Variants in PTPN2 observed in about 807,000 individuals in gnomAD.
PTPN2 encodes protein tyrosine phosphatase non-receptor type 2.
Under a neutral mutation model 57.3 loss-of-function variants are expected in PTPN2, and 19 were observed. The ratio of observed to expected loss-of-function variants is 0.33; its 90% CI spans 0.23 to 0.49. The LOEUF (loss-of-function observed/expected upper bound fraction) is 0.49, where lower values mean the gene tolerates loss of function less well. Ranked by LOEUF, PTPN2 falls within the 20% of genes least tolerant of loss-of-function variation. The probability of loss-of-function intolerance (pLI) is 0.99; values close to 1 mark genes in which losing one functional copy is unlikely to be tolerated. For synonymous variants in PTPN2, 153 were observed against 164.9 expected (o/e 0.93, Z 0.55); for missense variants, 358 against 501.1 (o/e 0.71, Z 2.73).
chr18:12,818,319 A>G (rs562239211), intron 5 of PTPN2, among the ~76,000 whole-genome samples: 28 of 152,220 alleles, frequency 1.8e-4, no homozygotes, highest in Non-Finnish European at 3.5e-4. Context: ...AACGATCTTT[A>G]TATTTTTAAT....
intron 1 of PTPN2, among the ~76,000 whole-genome samples, chr18:12,869,839 T>G (rs917141715): frequency 2.6e-5 from 4 of 152,208 alleles, no homozygotes; most frequent in Non-Finnish European, 4.4e-5. Flanking sequence ...ATGAAAAGTG[T>G]TCCCTTTGTT....
chr18:12,825,745 A>G, intron 5 of PTPN2, 65 bp downstream of exon 5: 5 of 1,450,562 alleles, frequency 3.4e-6, no homozygotes, highest in South Asian at 1.4e-5. Context: ...TTCAAATCTA[A>G]TAATAAAGAA....
chr18:12,820,610 C>T (rs1221412066), intron 5 of PTPN2, among the ~76,000 whole-genome samples: 2 of 152,170 alleles, frequency 1.3e-5, no homozygotes, highest in Non-Finnish European at 2.9e-5. Flanking sequence ...TGTGGAAGCA[C>T]CCTTTTCTTC....
intron 1 of PTPN2, among the ~76,000 whole-genome samples, chr18:12,864,557 G>A (rs544144371): frequency 3.9e-5 from 6 of 151,970 alleles, no homozygotes; most frequent in Admixed American, 6.6e-5. Context: ...CACCACGCCC[G>A]GCTAATTTTT....
chr18:12,829,374 G>A (rs1294462713), intron 4 of PTPN2, among the ~76,000 whole-genome samples: 1 of 151,878 alleles, frequency 6.6e-6, no homozygotes, highest in Non-Finnish European at 1.5e-5. Context: ...GCATGGTGGT[G>A]GGTGCTTGTA....
intron 5 of PTPN2, 108 bp from the exon 6 acceptor site, chr18:12,817,473 T>C: frequency 1.3e-6 from 1 of 783,242 alleles, no homozygotes; most frequent in Middle Eastern, 2.4e-4. Context: ...ATATAGGCTG[T>C]TTATACTATG....
chr18:12,867,853 C>CTCCACCTGCTCTTG (rs1209705285), intron 1 of PTPN2, among the ~76,000 whole-genome samples: 2 of 152,184 alleles, frequency 1.3e-5, no homozygotes, highest in African/African-American at 2.4e-5. Context: ...AGTTTCTTTT[C>CTCCACCTGCTCTTG]TTTTCTCCAC....
intron 7 of PTPN2, among the ~76,000 whole-genome samples, chr18:12,809,079 A>C (rs2041800652): frequency 6.6e-6 from 1 of 152,188 alleles, no homozygotes; most frequent in African/African-American, 2.4e-5. Context: ...GTACGCTAGC[A>C]GCTCCAGGCA....
chr18:12,873,604 G>C (rs2044353380), intron 1 of PTPN2, among the ~76,000 whole-genome samples: 1 of 152,212 alleles, frequency 6.6e-6, no homozygotes, highest in Non-Finnish European at 1.5e-5. Flanking sequence ...ATGGTGCCCA[G>C]GCTGGAGTGC....
At chr18:12,835,227 G>A (rs1042898309) in intron 3 of PTPN2, among the ~76,000 whole-genome samples, 1 of 151,938 alleles carries the variant, frequency 6.6e-6, no homozygotes, top group Non-Finnish European at 1.5e-5. Flanking sequence ...CAATATTACA[G>A]AAAGGAATAA....
intron 8 of PTPN2, among the ~76,000 whole-genome samples, chr18:12,795,481 G>T (rs2041141691): frequency 6.6e-6 from 1 of 152,094 alleles, no homozygotes; most frequent in African/African-American, 2.4e-5. Context: ...TTTTTAGTGA[G>T]ATGATGTTTC....
chr18:12,808,056 G>A (rs554652032), intron 7 of PTPN2, among the ~76,000 whole-genome samples: 3 of 151,926 alleles, frequency 2.0e-5, no homozygotes, highest in East Asian at 3.9e-4. Flanking sequence ...GGTGGCACGC[G>A]CCTGCAGTCC....
Position 12,814,363 on chromosome 18 carries a change from A to G in PTPN2, c.706-8T>C. ...ATCATCTCCTTTTTCCATCTGCAAG[A>G]AAGGCAAAAAATGAGACAAGTCTTG... On this transcript the variant is annotated splice_region_variant and splice_polypyrimidine_tract_variant and intron_variant, in intron 6 of 8. Coordinates refer to ENST00000309660, the MANE Select transcript of PTPN2 (RefSeq NM_002828.4). The G allele has an allele frequency of 6.3e-7, 1 of 1,575,748 alleles. No homozygotes were observed. Among genetic ancestry groups the G allele is most frequent in the Non-Finnish European group, 8.6e-7 (1 of 1,164,486 alleles).
chr18:12,852,980 C>G (rs2043448848), intron 2 of PTPN2, among the ~76,000 whole-genome samples: 1 of 152,222 alleles, frequency 6.6e-6, no homozygotes, highest in South Asian at 2.1e-4. Context: ...CTCTTCTCAG[C>G]TCCATCAATG....
In PTPN2 at chr18:12,806,592, C is replaced by A. The variant is rs1029098103; in HGVS notation, c.859-4441G>T. Among the ~76,000 whole-genome samples, 4 of 152,024 alleles carry A rather than the reference C, an allele frequency of 2.6e-5. No homozygotes were observed. In the South Asian group the frequency reaches 8.3e-4, roughly 32 times the overall value. On this transcript the variant is annotated intron_variant, in intron 7 of 8. Transcript: ENST00000309660. Reference sequence around the variant, plus strand: ...AAATAGCATGCTACTATCATAAGAACAGGTATAAAGACCAATAAAACAGAA... The same window carrying A: ...AAATAGCATGCTACTATCATAAGAAAAGGTATAAAGACCAATAAAACAGAA...
Position 12,831,059 on chromosome 18 carries a change from A to G in PTPN2, c.262-18T>C, listed in dbSNP as rs765599935. ...AGTGGACCCTGTGAAGAGAGAGGAGAGAGAGCAGATGAGGGAAGCAGACAG... is the reference window on the plus strand; with the variant it reads ...AGTGGACCCTGTGAAGAGAGAGGAGGGAGAGCAGATGAGGGAAGCAGACAG... On this transcript the variant is annotated intron_variant, in intron 3 of 8. Coordinates refer to ENST00000309660, the MANE Select transcript of PTPN2 (RefSeq NM_002828.4). The G allele has an allele frequency of 6.5e-7, 1 of 1,543,910 alleles. No homozygotes were observed. The highest frequency in any genetic ancestry group is 1.1e-5 in the South Asian group (1 of 89,296).
intron 1 of PTPN2, among the ~76,000 whole-genome samples, chr18:12,865,728 G>C (rs1443211974): frequency 6.6e-6 from 1 of 151,968 alleles, no homozygotes; most frequent in Non-Finnish European, 1.5e-5. Context: ...TCGGAAGGCT[G>C]AGGAACGAGA....
At chr18:12,786,460 G>C (rs552130113) in intron 9 of PTPN2, 49 of 152,196 alleles carry the variant, frequency 3.2e-4, no homozygotes, top group African/African-American at 1.1e-3. Context: ...ATACATAATT[G>C]ACAGATTTAT....
intron 2 of PTPN2, among the ~76,000 whole-genome samples, chr18:12,843,014 C>A (rs931419976): frequency 2.0e-5 from 3 of 152,168 alleles, no homozygotes; most frequent in African/African-American, 7.2e-5. Context: ...AGCGCAGAAA[C>A]CTTCAGGACT....
Sources: allele counts gnomAD v4.1 joint callset (sites outside exome capture counted in the v4.1 genomes callset), GRCh38; gene constraint gnomAD v4.1.1; transcripts MANE v1.5; gene names NCBI Gene and HGNC (gene_info 2026-07-23, HGNC 2026-07-21).